The following SNX3 variants were observed in gnomAD, a reference collection of about 807,000 sequenced individuals.
SNX3 encodes the protein sorting nexin 3, also known as sorting nexin-3.
Under a neutral mutation model 17.7 loss-of-function variants are expected in SNX3, and 5 were observed. The ratio of observed to expected loss-of-function variants is 0.28; its 90% CI spans 0.15 to 0.59. The LOEUF is 0.59. Among genes scored for constraint, SNX3 ranks in the 20% least tolerant of loss-of-function variants. The pLI is 0.88. For synonymous variants in SNX3, 91 were observed against 76.5 expected (o/e 1.19, Z -0.99); for missense variants, 132 against 206.8 (o/e 0.64, Z 2.22).
At chr6:108,239,100 G>A (rs141570441) in intron 1 of SNX3, among the ~76,000 whole-genome samples, 1,989 of 151,862 alleles carry the variant, frequency 0.013, 34 homozygotes, top group African/African-American at 0.046. Flanking sequence ...ACGGGGTTTC[G>A]CCACATTGGC....
At position 108,260,853 on chromosome 6, in the gene SNX3, T is replaced by C. The variant is rs1460034989; in HGVS notation, c.69A>G (p.Gly23=). The stretch of plus-strand genomic sequence containing the variant: ...CGATCTCGAGGAAGTTGCTGGGGGG[T>C]CCGTAGGCGTCATTCAGGTTCTGCG... ...TKPQNLNDAY[G]PPSNFLEIDV... The change falls in exon 1 of 4, where the codon GGA becomes GGG. Residue 23 remains glycine, a synonymous_variant. Transcript: ENST00000230085. 3.7e-6 allele frequency: 6 copies of C among 1,612,536 alleles called. No individual in the cohort carries two copies. The highest frequency in any genetic ancestry group is 1.3e-5 in the African/African-American group (1 of 74,574).
intron 1 of SNX3, among the ~76,000 whole-genome samples, chr6:108,259,995 A>G (rs187958347): frequency 2.0e-3 from 308 of 152,374 alleles, no homozygotes; most frequent in African/African-American, 7.1e-3. Context: ...AATCATCTAA[A>G]TTATTGCCAA....
chr6:108,245,192 TAAG>T (rs1463362595), intron 1 of SNX3, among the ~76,000 whole-genome samples: 1 of 152,102 alleles, frequency 6.6e-6, no homozygotes, highest in Non-Finnish European at 1.5e-5. Flanking sequence ...CTCCCACTAA[TAAG>T]TGAAAACATG....
chr6:108,220,269 TACTA>T (rs201336932), intron 2 of SNX3, among the ~76,000 whole-genome samples: 11,729 of 152,138 alleles, frequency 0.077, 514 homozygotes, highest in Middle Eastern at 0.19. Flanking sequence ...ACTCGCCACA[TACTA>T]ACTGACTCAC....
intron 1 of SNX3, among the ~76,000 whole-genome samples, chr6:108,223,401 G>C (rs1774868547): frequency 6.7e-6 from 1 of 150,328 alleles, no homozygotes; most frequent in East Asian, 2.0e-4. Context: ...GCCTCCCAAA[G>C]TGCTGGGATT....
rs1337067562 is a variant in SNX3 at position 108,214,537 on chromosome 6, A to G, written c.344T>C (p.Ile115Thr). ...GDDGIFDDNF[I>T]EERKQGLEQF... The stretch of plus-strand genomic sequence containing the variant: ...CTCCAGCCCTTGTTTTCTTTCCTCA[A>G]TAAAATTGTCATCAAATATTCCATC... Residue 115 changes from isoleucine to threonine, a missense_variant, in exon 3 of 4, where the codon ATT (isoleucine) becomes ACT (threonine). Coordinates refer to ENST00000230085, the MANE Select transcript of SNX3 (RefSeq NM_003795.6). 6.2e-7 allele frequency: 1 copy of G among 1,613,618 alleles called. No individual in the cohort carries two copies. Among genetic ancestry groups the G allele is most frequent in the African/African-American group, 1.3e-5 (1 of 74,906 alleles).
At chr6:108,245,440 G>A (rs896883177) in intron 1 of SNX3, among the ~76,000 whole-genome samples, 2 of 152,164 alleles carry the variant, frequency 1.3e-5, no homozygotes, top group Non-Finnish European at 2.9e-5. Context: ...CTTTATAGTA[G>A]AATGATTTAT....
chr6:108,259,999 T>C (rs955143468), intron 1 of SNX3, among the ~76,000 whole-genome samples: 6 of 152,244 alleles, frequency 3.9e-5, no homozygotes, highest in East Asian at 1.9e-4. Flanking sequence ...ATCTAAATTA[T>C]TGCCAACAAA....
intron 2 of SNX3, among the ~76,000 whole-genome samples, chr6:108,216,363 A>AT (rs1314617332): frequency 6.6e-6 from 1 of 152,234 alleles, no homozygotes; most frequent in Non-Finnish European, 1.5e-5. Flanking sequence ...AGCTGAGACA[A>AT]TAAAAAATGT....
At chr6:108,214,155 TG>T (rs1774494073) in intron 3 of SNX3, among the ~76,000 whole-genome samples, 1 of 152,192 alleles carries the variant, frequency 6.6e-6, no homozygotes, top group South Asian at 2.1e-4. Flanking sequence ...GCAAGTACAT[TG>T]TAAGTTTTAT....
chr6:108,251,821 G>C (rs1298123366), intron 1 of SNX3, among the ~76,000 whole-genome samples: 2 of 152,046 alleles, frequency 1.3e-5, no homozygotes, highest in Non-Finnish European at 2.9e-5. Flanking sequence ...CTGTATTTTG[G>C]GAGGCTGAAG....
At chr6:108,235,326 C>G (rs566051778) in intron 1 of SNX3, among the ~76,000 whole-genome samples, 4 of 152,232 alleles carry the variant, frequency 2.6e-5, no homozygotes, top group East Asian at 1.9e-4. Flanking sequence ...GCCATATGAC[C>G]GAGTTATCTC....
Position 108,222,025 on chromosome 6 carries a change from G to T in SNX3, c.258+925C>A, listed in dbSNP as rs564933533. Reference sequence around the variant, plus strand: ...TCCTGACTCGGCCTACCAAAGTACCGAGATTATAGGCATGAGCCACCATGC... The same window carrying T: ...TCCTGACTCGGCCTACCAAAGTACCTAGATTATAGGCATGAGCCACCATGC... On this transcript the variant is annotated intron_variant, in intron 2 of 3. Coordinates refer to ENST00000230085, the MANE Select transcript of SNX3 (RefSeq NM_003795.6). Among the ~76,000 whole-genome samples the T allele has an allele frequency of 2.0e-5, 3 of 152,214 alleles. No individual in the cohort carries two copies. In the South Asian group the frequency reaches 6.2e-4, roughly 32 times the overall value.
chr6:108,237,941 T>G (rs1414159638), intron 1 of SNX3, among the ~76,000 whole-genome samples: 1 of 149,620 alleles, frequency 6.7e-6, no homozygotes, highest in Non-Finnish European at 1.5e-5. Context: ...TCACTAAAAA[T>G]ACAAAATTAG....
intron 1 of SNX3, among the ~76,000 whole-genome samples, chr6:108,229,127 G>T (rs1199214405): frequency 2.0e-5 from 3 of 151,852 alleles, no homozygotes; most frequent in African/African-American, 7.3e-5. Flanking sequence ...GGGTGAGGTG[G>T]CACGAGCCTG....
chr6:108,258,275 C>A (rs1390074393), intron 1 of SNX3, among the ~76,000 whole-genome samples: 1 of 151,540 alleles, frequency 6.6e-6, no homozygotes, highest in East Asian at 2.0e-4. Context: ...CTGACCAACA[C>A]AGTGAAATCC....
At chr6:108,240,360 C>T (rs1031826775) in intron 1 of SNX3, among the ~76,000 whole-genome samples, 11 of 152,130 alleles carry the variant, frequency 7.2e-5, no homozygotes, top group South Asian at 2.1e-4. Context: ...CTGGGATTAC[C>T]GGCACCCACC....
At chr6:108,251,084 A>G (rs1242803281) in intron 1 of SNX3, among the ~76,000 whole-genome samples, 1 of 152,060 alleles carries the variant, frequency 6.6e-6, no homozygotes, top group African/African-American at 2.4e-5. Context: ...AAAAAAAAAA[A>G]GGTTAATCAA....
chr6:108,259,292 G>A (rs1476780430), intron 1 of SNX3, among the ~76,000 whole-genome samples: 1 of 152,174 alleles, frequency 6.6e-6, no homozygotes, highest in Non-Finnish European at 1.5e-5. Flanking sequence ...GGAGTGCAAT[G>A]GCCCGATCTA....
Sources: gnomAD v4.1 joint callset for allele counts (sites outside exome capture counted in the v4.1 genomes callset) on GRCh38, gnomAD v4.1.1 for gene constraint, MANE v1.5 for transcripts, NCBI Gene and HGNC (gene_info 2026-07-23, HGNC 2026-07-21) for gene names.